CAMK4: variants seen among roughly 807,000 people sequenced by gnomAD.
CAMK4 encodes the protein calcium/calmodulin dependent protein kinase IV.
In CAMK4, 22 loss-of-function variants were observed where a neutral mutation model predicts 44.9. The observed-to-expected ratio is 0.49, with a 90% CI of 0.35 to 0.70. The LOEUF is 0.70. CAMK4 is among the 30% of genes least tolerant of loss of function. The probability of loss-of-function intolerance (pLI) is 0.01; values close to 1 mark genes in which losing one functional copy is unlikely to be tolerated. For synonymous variants in CAMK4, 218 were observed against 215.4 expected (o/e 1.01, Z -0.11); for missense variants, 498 against 586.8 (o/e 0.85, Z 1.56).
At chr5:111,305,353 G>A (rs1175571197) in intron 1 of CAMK4, among the ~76,000 whole-genome samples, 877 of 28,652 alleles carry the variant, frequency 0.031, 31 homozygotes, top group South Asian at 0.062. Flanking sequence ...CCACTAGCAA[G>A]ACTAATAAAG....
At chr5:111,232,120 A>G (rs1748502585) in intron 1 of CAMK4, among the ~76,000 whole-genome samples, 1 of 152,170 alleles carries the variant, frequency 6.6e-6, no homozygotes, top group Non-Finnish European at 1.5e-5. Flanking sequence ...AATAATTCTG[A>G]CCTAGACGAT....
chr5:111,484,079 C>A lies in CAMK4; in HGVS notation c.1035C>A (p.Ser345Arg). 5 of 1,611,544 alleles carry A rather than the reference C, an allele frequency of 3.1e-6. No homozygotes were observed. Among genetic ancestry groups the A allele is most frequent in the Non-Finnish European group, 4.2e-6 (5 of 1,178,702 alleles). ...CGCGCCTGGGAAGTGCCAGCAGCAGCCATGGCAGCATCCAGGAGAGCCACA... is the reference window on the plus strand; with the variant it reads ...CGCGCCTGGGAAGTGCCAGCAGCAGACATGGCAGCATCCAGGAGAGCCACA... ...ASSRLGSASS[S>R]HGSIQESHKA... Residue 345 changes from serine to arginine, a missense_variant, in exon 11 of 11, where the codon AGC (serine) becomes AGA (arginine). This residue lies in a region of CAMK4 where 203 missense variants were observed against 298.2 expected (regional missense o/e 0.68). Coordinates refer to ENST00000282356, the MANE Select transcript of CAMK4 (RefSeq NM_001744.6). This position sits in a 1 kb window ranked among gnomAD's most constrained non-coding sequence, Gnocchi z 5.3.
At chr5:111,410,823 A>G (rs923745284) in intron 5 of CAMK4, among the ~76,000 whole-genome samples, 1 of 152,184 alleles carries the variant, frequency 6.6e-6, no homozygotes, top group Non-Finnish European at 1.5e-5. Context: ...AGGCAATGCT[A>G]TAATAATATT....
At chr5:111,341,260 G>A (rs920708521) in intron 1 of CAMK4, among the ~76,000 whole-genome samples, 4 of 151,076 alleles carry the variant, frequency 2.6e-5, no homozygotes, top group African/African-American at 7.3e-5. Context: ...TTGTATCTAA[G>A]AAATCATTGC....
chr5:111,454,123 TAC>T (rs1754333318), intron 7 of CAMK4, among the ~76,000 whole-genome samples: 1 of 152,102 alleles, frequency 6.6e-6, no homozygotes, highest in Non-Finnish European at 1.5e-5. Context: ...ATATTTACAA[TAC>T]AGAGACTTTA....
chr5:111,358,454 C>A (rs1482767806), intron 2 of CAMK4, among the ~76,000 whole-genome samples: 1 of 151,938 alleles, frequency 6.6e-6, no homozygotes, highest in African/African-American at 2.4e-5. Flanking sequence ...CTTATCTCTA[C>A]CCCAAAGTTG....
At chr5:111,383,995 G>A (rs533788181) in intron 4 of CAMK4, among the ~76,000 whole-genome samples, 1 of 152,282 alleles carries the variant, frequency 6.6e-6, no homozygotes, top group South Asian at 2.1e-4. Flanking sequence ...CCTAGGTCTG[G>A]AAATTGAAGT....
intron 8 of CAMK4, among the ~76,000 whole-genome samples, chr5:111,476,764 A>G (rs953192943): frequency 3.9e-5 from 6 of 152,178 alleles, no homozygotes; most frequent in African/African-American, 1.4e-4. Flanking sequence ...ACTGGGCCTT[A>G]TGATCTGATC....
chr5:111,281,579 A>G (rs1384980702), intron 1 of CAMK4, among the ~76,000 whole-genome samples: 1 of 152,208 alleles, frequency 6.6e-6, no homozygotes, highest in East Asian at 1.9e-4. Context: ...CATAATCCAG[A>G]GAGATCTTTT....
intron 1 of CAMK4, among the ~76,000 whole-genome samples, chr5:111,278,633 C>A (rs1391815751): frequency 1.3e-5 from 2 of 152,078 alleles, no homozygotes; most frequent in Non-Finnish European, 2.9e-5. Context: ...GAGAAGAAAT[C>A]CCTGATATAA....
At position 111,494,654 on chromosome 5, in the gene CAMK4, G is replaced by A. The variant is rs1033965294; in HGVS notation, c.*10188G>A. 7.2e-6 allele frequency: 1 copy of A among 138,266 alleles called. No individual in the cohort carries two copies. The highest frequency in any genetic ancestry group is 6.9e-5 in the Admixed American group (1 of 14,476). The allele number at this position is 138,266 out of a possible 1,614,324, so 8.6% of individuals were successfully genotyped here. A position where few individuals can be genotyped will look rare whatever the true frequency, so the allele number is the denominator to read the frequency against. On this transcript the variant is annotated 3_prime_UTR_variant, in exon 11 of 11. Coordinates refer to ENST00000282356, the MANE Select transcript of CAMK4 (RefSeq NM_001744.6). ...TTCAGTAATTAAATATGTAAATTTT[G>A]GGGGGGGTTGGGGGGTGTTTTCTAG...
chr5:111,261,831 G>A (rs1019344700), intron 1 of CAMK4, among the ~76,000 whole-genome samples: 1 of 152,012 alleles, frequency 6.6e-6, no homozygotes, highest in African/African-American at 2.4e-5. Context: ...GCTCTCTGGG[G>A]CTGGGATATG....
At chr5:111,480,063 C>G (rs1210258743) in intron 9 of CAMK4, among the ~76,000 whole-genome samples, 4 of 151,848 alleles carry the variant, frequency 2.6e-5, no homozygotes, top group African/African-American at 7.3e-5. Context: ...GCTGCCTGGT[C>G]TGGGGCCTGC....
chr5:111,262,059 A>G (rs969082419), intron 1 of CAMK4, among the ~76,000 whole-genome samples: 6 of 151,592 alleles, frequency 4.0e-5, no homozygotes, highest in Non-Finnish European at 5.9e-5. Flanking sequence ...AGCACCTTAC[A>G]TGGGTTTCTG....
At position 111,443,275 on chromosome 5, in the gene CAMK4, TATATACACACAC is replaced by T. The variant is rs1166169591; in HGVS notation, c.460-3409_460-3398del. 7.9e-3 allele frequency among the ~76,000 whole-genome samples: 371 copies of T among 47,098 alleles called. 3 individuals are homozygous for T. The highest frequency in any genetic ancestry group is 0.065 in the East Asian group (77 of 1,184). The allele number at this position is 47,098 out of a possible 152,430, so 30.9% of individuals were successfully genotyped here. A position where few individuals can be genotyped will look rare whatever the true frequency, so the allele number is the denominator to read the frequency against. ...ATATATATATATATATATATATATA[TATATACACACAC>T]ACACACACACACACACACACACACA... is the stretch of plus-strand genomic sequence containing the variant. On this transcript the variant is annotated intron_variant, in intron 5 of 10. Transcript: ENST00000282356.
intron 1 of CAMK4, among the ~76,000 whole-genome samples, chr5:111,325,870 A>G (rs926946334): frequency 6.6e-6 from 1 of 152,196 alleles, no homozygotes; most frequent in African/African-American, 2.4e-5. Flanking sequence ...AAGCCATGGG[A>G]TAAAGAAAAT....
rs73214416 is a variant in CAMK4 at position 111,356,888 on chromosome 5, C to T, written c.240+12786C>T. 1.6e-3 allele frequency among the ~76,000 whole-genome samples: 244 copies of T among 152,002 alleles called. 2 individuals are homozygous for T. Among genetic ancestry groups the T allele is most frequent in the African/African-American group, 5.5e-3 (228 of 41,466 alleles). On this transcript the variant is annotated intron_variant, in intron 2 of 10. Transcript: ENST00000282356. ...TCAATCTCGTTTAGATATTTTGTTG[C>T]CTTTTAGAAAACAAACACTATAATT...
chr5:111,413,576 CA>C (rs34333932), intron 5 of CAMK4, among the ~76,000 whole-genome samples: 67,071 of 133,208 alleles, frequency 0.5, 15,057 homozygotes, highest in Middle Eastern at 0.62. Context: ...CACTCCATCT[CA>C]AAAAAAAAAA....
At chr5:111,378,096 G>C (rs1253919051) in intron 4 of CAMK4, among the ~76,000 whole-genome samples, 3 of 152,010 alleles carry the variant, frequency 2.0e-5, no homozygotes, top group Non-Finnish European at 4.4e-5. Context: ...TGGGATCTTT[G>C]GGAGGTCATT....
Sources: allele counts gnomAD v4.1 joint callset (sites outside exome capture counted in the v4.1 genomes callset), GRCh38; gene constraint gnomAD v4.1.1; regional missense constraint gnomAD v4.1.1; non-coding constraint Gnocchi (gnomAD v3.1); transcripts MANE v1.5; gene names NCBI Gene and HGNC (gene_info 2026-07-23, HGNC 2026-07-21).